The following NSUN6 variants were observed in gnomAD, a reference collection of about 807,000 sequenced individuals.
The protein encoded by NSUN6 is NOP2/Sun RNA methyltransferase 6, also known as tRNA (cytosine(72)-C(5))-methyltransferase NSUN6.
Under a neutral mutation model 58.0 loss-of-function variants are expected in NSUN6, and 64 were observed. The observed-to-expected ratio is 1.10, with a 90% confidence interval of 0.90 to 1.36. The LOEUF (loss-of-function observed/expected upper bound fraction) is 1.36, where lower values mean the gene tolerates loss of function less well. Among genes scored for constraint, NSUN6 ranks in the 40% most tolerant of loss-of-function variants. NSUN6 has a pLI of 0.00. For synonymous variants in NSUN6, 231 were observed against 193.9 expected, an observed-to-expected ratio of 1.19 and a Z score of -1.59; for missense variants, 701 against 550.1, an observed-to-expected ratio of 1.27 and a Z score of -2.74.
chr10:18,602,486 G>C (rs2057884078), intron 6 of NSUN6, among the ~76,000 whole-genome samples: 1 of 151,928 alleles, frequency 6.6e-6, no homozygotes, highest in Admixed American at 6.6e-5. Context: ...CGCCCACCTT[G>C]GCCTCCCAAA....
At chr10:18,612,157 T>A (rs1459313068) in intron 5 of NSUN6, among the ~76,000 whole-genome samples, 2 of 152,120 alleles carry the variant, frequency 1.3e-5, no homozygotes, top group African/African-American at 4.8e-5. Context: ...TGGCGTCTCA[T>A]CCCTATAATC....
intron 8 of NSUN6, among the ~76,000 whole-genome samples, chr10:18,564,965 A>C (rs1048408303): frequency 1.4e-5 from 2 of 144,096 alleles, no homozygotes; most frequent in Non-Finnish European, 3.0e-5. Context: ...TCTTCATTCC[A>C]TTCCATTCTC....
intron 3 of NSUN6, among the ~76,000 whole-genome samples, chr10:18,634,596 T>G (rs1464231808): frequency 8.4e-6 from 1 of 119,464 alleles, no homozygotes; most frequent in African/African-American, 3.2e-5. Flanking sequence ...CTAAAAAAAA[T>G]ACAAAAAAAA....
At chr10:18,566,087 T>C (rs1245594144) in intron 8 of NSUN6, among the ~76,000 whole-genome samples, 3 of 151,264 alleles carry the variant, frequency 2.0e-5, no homozygotes, top group Admixed American at 1.3e-4. Context: ...CCATTCTTTA[T>C]TCTATTCCAT....
chr10:18,643,852 C>G (rs192504161), intron 2 of NSUN6, among the ~76,000 whole-genome samples: 239 of 152,166 alleles, frequency 1.6e-3, no homozygotes, highest in African/African-American at 5.6e-3. Flanking sequence ...CTTCTCAAGC[C>G]AAAGGTCATT....
intron 8 of NSUN6, among the ~76,000 whole-genome samples, chr10:18,581,824 CAAA>C (rs1260561447): frequency 3.8e-5 from 4 of 106,664 alleles, no homozygotes; most frequent in Admixed American, 2.0e-4. Flanking sequence ...GATTCCATCT[CAAA>C]AAAAAAAAAA....
At chr10:18,552,192 G>A (rs2054648425) in intron 8 of NSUN6, among the ~76,000 whole-genome samples, 1 of 152,024 alleles carries the variant, frequency 6.6e-6, no homozygotes, top group Non-Finnish European at 1.5e-5. Flanking sequence ...AAGTTATTCT[G>A]TTGATATAGT....
chr10:18,589,882 T>C (rs1057023917), intron 7 of NSUN6, among the ~76,000 whole-genome samples: 25 of 152,296 alleles, frequency 1.6e-4, no homozygotes, highest in Middle Eastern at 6.8e-3. Flanking sequence ...AGCATCATGA[T>C]GACAGGATCA....
chr10:18,581,155 AGT>A (rs756284593), intron 8 of NSUN6, among the ~76,000 whole-genome samples: 1 of 152,044 alleles, frequency 6.6e-6, no homozygotes, highest in Non-Finnish European at 1.5e-5. Flanking sequence ...GAGCGTGCAC[AGT>A]GTGTTTATCA....
At chr10:18,656,151 A>G (rs2059775296), upstream of NSUN6, among the ~76,000 whole-genome samples, 1 of 152,226 alleles carries the variant, frequency 6.6e-6, no homozygotes, top group African/African-American at 2.4e-5. Flanking sequence ...GATCATATTG[A>G]TTTCAGACCA....
intron 7 of NSUN6, among the ~76,000 whole-genome samples, chr10:18,590,151 A>G (rs2131154486): frequency 6.6e-6 from 1 of 152,302 alleles, no homozygotes; most frequent in Middle Eastern, 3.4e-3. Context: ...AAAGATCAAA[A>G]AAGACAAAGA....
At chr10:18,611,734 G>A (rs963806523) in intron 5 of NSUN6, among the ~76,000 whole-genome samples, 1 of 151,650 alleles carries the variant, frequency 6.6e-6, no homozygotes, top group Non-Finnish European at 1.5e-5. Context: ...GTGTGTGTGT[G>A]TGTGTGTGTG....
At chr10:18,638,141 A>T (rs931717098) in intron 3 of NSUN6, among the ~76,000 whole-genome samples, 3 of 152,176 alleles carry the variant, frequency 2.0e-5, no homozygotes, top group Non-Finnish European at 2.9e-5. Context: ...TGTTTAACAT[A>T]ATAAGAAATG....
chr10:18,642,545 C>G lies in NSUN6; in HGVS notation c.242G>C (p.Gly81Ala), dbSNP rs772870800. The change falls in exon 3 of 11, where the codon GGA becomes GCA. Residue 81 changes from glycine (G) to alanine (A), a missense_variant. Coordinates refer to ENST00000377304, the MANE Select transcript of NSUN6 (RefSeq NM_182543.5). ...ATGTTGAAGAATAGGAACACTTAAT[C>G]CATTAAACTGCTGTTAAAGATAAAC... is the stretch of plus-strand genomic sequence containing the variant. ...LLDELQKQFN[G>A]LSVPILQHPD... 3 of 1,477,768 alleles carry G rather than the reference C, an allele frequency of 2.0e-6. No individual in the cohort carries two copies. Among genetic ancestry groups the G allele is most frequent in the Non-Finnish European group, 2.8e-6 (3 of 1,057,928 alleles). 91.5% of individuals were successfully genotyped at this position (1,477,768 alleles called of 1,614,324 possible).
intron 5 of NSUN6, among the ~76,000 whole-genome samples, chr10:18,614,119 C>A (rs548343814): frequency 1.3e-5 from 2 of 151,684 alleles, no homozygotes; most frequent in South Asian, 2.1e-4. Flanking sequence ...CAAATAAGAA[C>A]GTTAAAAATG....
intron 3 of NSUN6, among the ~76,000 whole-genome samples, chr10:18,624,404 G>C (rs566545385): frequency 6.6e-6 from 1 of 151,912 alleles, no homozygotes; most frequent in Non-Finnish European, 1.5e-5. Flanking sequence ...GGCTGGGTGC[G>C]GTGGCTCATG....
chr10:18,641,262 T>C (rs2059383604), intron 3 of NSUN6, among the ~76,000 whole-genome samples: 1 of 152,140 alleles, frequency 6.6e-6, no homozygotes, highest in African/African-American at 2.4e-5. Flanking sequence ...ATATTTATTA[T>C]AATTCTTAGG....
rs142462616 is a variant in NSUN6 at position 18,555,906 on chromosome 10, A to AGAATGGAATGGAATGGAATG, written c.923-3955_923-3936dup. Among the ~76,000 whole-genome samples the AGAATGGAATGGAATGGAATG allele has an allele frequency of 3.4e-4, 48 of 140,636 alleles. No homozygotes were observed. In the East Asian group the frequency reaches 6.4e-3, roughly 19 times the overall value. The allele number at this position is 140,636 out of a possible 152,430, so 92.3% of individuals were successfully genotyped here. On this transcript the variant is annotated intron_variant, in intron 8 of 10. Coordinates refer to ENST00000377304, the MANE Select transcript of NSUN6 (RefSeq NM_182543.5). Reference sequence around the variant, plus strand: ...TGGAATGGAGAATAGAATGGAATGGAGAATGGAATGGAATGGAATGGAATG... The same window carrying AGAATGGAATGGAATGGAATG: ...TGGAATGGAGAATAGAATGGAATGGAGAATGGAATGGAATGGAATGGAATGGAATGGAATGGAATGGAATG...
intron 3 of NSUN6, among the ~76,000 whole-genome samples, chr10:18,634,926 G>A (rs2059162620): frequency 6.6e-6 from 1 of 152,178 alleles, no homozygotes; most frequent in Non-Finnish European, 1.5e-5. Flanking sequence ...GGCTAGCTAA[G>A]CAGCTAGAAA....
Sources: allele counts gnomAD v4.1 joint callset (sites outside exome capture counted in the v4.1 genomes callset), GRCh38; gene constraint gnomAD v4.1.1; transcripts MANE v1.5; gene names NCBI Gene and HGNC (gene_info 2026-07-23, HGNC 2026-07-21).